ARID1B: variants seen among roughly 807,000 people sequenced by gnomAD.
The protein encoded by ARID1B is AT-rich interaction domain 1B, also known as AT-rich interactive domain-containing protein 1B.
In ARID1B, 30 loss-of-function variants were observed where a neutral mutation model predicts 212.3. That is an observed-to-expected ratio of 0.14 (90% CI 0.11 to 0.19). The LOEUF (loss-of-function observed/expected upper bound fraction) is 0.19. Ranked by LOEUF, ARID1B falls within the 10% of genes least tolerant of loss-of-function variation. The pLI, the probability that ARID1B is intolerant of heterozygous loss-of-function variation, is 1.00. For missense variants in ARID1B, 2,891 were observed against 3,204.0 expected, an observed-to-expected ratio of 0.90 and a Z score of 2.36; for synonymous variants, 1,402 against 1,301.7, an observed-to-expected ratio of 1.08 and a Z score of -1.66.
At chr6:157,129,519 T>G (rs1788384849) in intron 6 of ARID1B, among the ~76,000 whole-genome samples, 1 of 152,212 alleles carries the variant, frequency 6.6e-6, no homozygotes, top group Non-Finnish European at 1.5e-5. Flanking sequence ...ATTGCAAAAG[T>G]AAATAATACA....
chr6:157,039,462 C>T (rs1781572991), intron 4 of ARID1B, among the ~76,000 whole-genome samples: 1 of 151,252 alleles, frequency 6.6e-6, no homozygotes, highest in Admixed American at 6.6e-5. Context: ...TCCCGAGTAG[C>T]TGGGACTACA....
intron 1 of ARID1B, among the ~76,000 whole-genome samples, chr6:156,819,774 C>G (rs985710324): frequency 6.6e-6 from 1 of 152,144 alleles, no homozygotes; most frequent in East Asian, 1.9e-4. Flanking sequence ...GGATCCTGCC[C>G]GGGCCTGGAG....
At chr6:157,157,315 G>T (rs1280850010) in intron 8 of ARID1B, among the ~76,000 whole-genome samples, 2 of 152,122 alleles carry the variant, frequency 1.3e-5, no homozygotes, top group African/African-American at 4.8e-5. Flanking sequence ...GCATTAAAGC[G>T]CACCCATCAC....
At chr6:157,016,385 G>A (rs1172550253) in intron 4 of ARID1B, among the ~76,000 whole-genome samples, 1 of 152,144 alleles carries the variant, frequency 6.6e-6, no homozygotes, top group African/African-American at 2.4e-5. Context: ...ACTTTACAAA[G>A]TGAGATCTGC....
intron 4 of ARID1B, among the ~76,000 whole-genome samples, chr6:157,003,069 G>T (rs1162036661): frequency 6.6e-6 from 1 of 152,214 alleles, no homozygotes; most frequent in Admixed American, 6.5e-5. Flanking sequence ...ATGGTGGGGA[G>T]TGTAAAGGCT....
At chr6:156,782,704 G>A (rs890711424) in intron 1 of ARID1B, among the ~76,000 whole-genome samples, 2 of 152,096 alleles carry the variant, frequency 1.3e-5, no homozygotes, top group African/African-American at 4.8e-5. Flanking sequence ...AAATTTTAGG[G>A]TGTCTGATAT....
intron 2 of ARID1B, among the ~76,000 whole-genome samples, chr6:156,887,054 G>A (rs561331944): frequency 1.8e-4 from 28 of 152,302 alleles, no homozygotes; most frequent in African/African-American, 5.8e-4. Context: ...CAGCATCTTC[G>A]AATGTAGAAA....
chr6:157,081,917 T>C (rs1362667433), intron 4 of ARID1B, among the ~76,000 whole-genome samples: 4 of 152,196 alleles, frequency 2.6e-5, no homozygotes, highest in Non-Finnish European at 5.9e-5. Context: ...TTATATCTTG[T>C]TATCTACCAG....
At position 157,174,140 on chromosome 6, in the gene ARID1B, C is replaced by T. The variant is rs376683620; in HGVS notation, c.3345+23C>T. ...AAGGTACTTCCTTCGCCTCTGCACG[C>T]GGTGTGAGGTCTGCCTAGCAAAAAG... is the stretch of plus-strand genomic sequence containing the variant. On this transcript the variant is annotated intron_variant, in intron 10 of 19. Transcript: ENST00000636930. The T allele has an allele frequency of 2.0e-5, 32 of 1,601,926 alleles. No homozygotes were observed. In the East Asian group the frequency reaches 3.1e-4, roughly 16 times the overall value.
At chr6:156,866,754 G>A (rs184514739) in intron 2 of ARID1B, among the ~76,000 whole-genome samples, 1 of 152,300 alleles carries the variant, frequency 6.6e-6, no homozygotes, top group Non-Finnish European at 1.5e-5. Context: ...GTTCATGGCT[G>A]TGGGTTACTG....
At chr6:157,041,789 G>A (rs754530013) in intron 4 of ARID1B, among the ~76,000 whole-genome samples, 13 of 152,060 alleles carry the variant, frequency 8.5e-5, no homozygotes, top group Non-Finnish European at 1.6e-4. Flanking sequence ...GGAACTGATA[G>A]GGTGTACCCT....
chr6:157,147,874 A>G (rs1403265962), intron 7 of ARID1B, among the ~76,000 whole-genome samples: 3 of 37,206 alleles, frequency 8.1e-5, no homozygotes, highest in Admixed American at 3.3e-4. Flanking sequence ...CCCTTCTCCG[A>G]CCCTGCCCTC....
chr6:156,779,239 A>G lies in ARID1B; in HGVS notation c.1559A>G (p.Tyr520Cys). The change falls in exon 1 of 20, where the codon TAC (tyrosine) becomes TGC (cysteine). Residue 520 changes from tyrosine (Y) to cysteine (C), a missense_variant. Around this residue, in one of 7 missense-constraint regions of ARID1B, gnomAD observed 1,643 missense variants for 1,544.0 expected, o/e 1.06. Transcript: ENST00000636930. ...ATGATGCGGAGCTACGGCGGCAGCT[A>G]CCCCGAGTACAGCAGCCCCAGCGCG... ...SPMMRSYGGSYPEYSSPSAPP... is the reference protein window; with the variant it reads ...SPMMRSYGGSCPEYSSPSAPP... 1 of 1,193,952 alleles carries G rather than the reference A, an allele frequency of 8.4e-7. No homozygotes were observed. The allele number at this position is 1,193,952 out of a possible 1,614,324, so 74.0% of individuals were successfully genotyped here. A position where few individuals can be genotyped will look rare whatever the true frequency, so the allele number is the denominator to read the frequency against.
At position 156,935,590 on chromosome 6, in the gene ARID1B, G is replaced by A. The variant is rs1792134725; in HGVS notation, c.2247+14G>A. 2 of 1,583,942 alleles carry A rather than the reference G, an allele frequency of 1.3e-6. No homozygotes were observed. The highest frequency in any genetic ancestry group is 1.7e-6 in the Non-Finnish European group (2 of 1,153,568). The stretch of plus-strand genomic sequence containing the variant: ...TCAAGTTTACCAGTAAGACATTATT[G>A]TGCTGATTTGGAAATGTAATGAGTT... On this transcript the variant is annotated intron_variant, in intron 4 of 19. Coordinates refer to ENST00000636930, the MANE Select transcript of ARID1B (RefSeq NM_001374828.1).
intron 5 of ARID1B, among the ~76,000 whole-genome samples, chr6:157,097,017 G>GT: frequency 6.6e-6 from 1 of 152,226 alleles, no homozygotes. Context: ...GGAGCCTGGG[G>GT]TTTTTTGTTT....
chr6:157,109,977 T>C (rs1386602598), intron 5 of ARID1B, among the ~76,000 whole-genome samples: 1 of 152,238 alleles, frequency 6.6e-6, no homozygotes, highest in Non-Finnish European at 1.5e-5. Flanking sequence ...GTTTTTTGTT[T>C]CTTAATGGAG....
chr6:156,904,941 A>G (rs1266327951), intron 3 of ARID1B, among the ~76,000 whole-genome samples: 2 of 152,204 alleles, frequency 1.3e-5, no homozygotes, highest in Non-Finnish European at 1.5e-5. Flanking sequence ...TGTATATGCA[A>G]ATATGCCAAA....
chr6:156,946,130 G>C (rs917826369), intron 4 of ARID1B, among the ~76,000 whole-genome samples: 6 of 151,350 alleles, frequency 4.0e-5, no homozygotes, highest in African/African-American at 1.5e-4. Context: ...GCCAAGGCGG[G>C]CAGACCACTT....
At chr6:156,902,757 A>AAAAG (rs1230989707) in intron 3 of ARID1B, among the ~76,000 whole-genome samples, 1 of 149,384 alleles carries the variant, frequency 6.7e-6, no homozygotes, top group African/African-American at 2.5e-5. Flanking sequence ...AAAAAAAAAA[A>AAAAG]AAAAAGTAAC....
Sources: gnomAD v4.1 joint callset for allele counts (sites outside exome capture counted in the v4.1 genomes callset) on GRCh38, gnomAD v4.1.1 for gene constraint, gnomAD v4.1.1 regional missense constraint, MANE v1.5 for transcripts, NCBI Gene and HGNC (gene_info 2026-07-23, HGNC 2026-07-21) for gene names.